Variants in ZBTB16 observed in about 807,000 individuals in gnomAD.
ZBTB16 encodes zinc finger and BTB domain-containing protein 16.
Under a neutral mutation model 56.8 loss-of-function variants are expected in ZBTB16, and 8 were observed. That is an observed-to-expected ratio of 0.14 (90% confidence interval 0.08 to 0.25). The LOEUF is 0.25. Ranked by LOEUF, ZBTB16 falls within the 10% of genes least tolerant of loss-of-function variation. The probability of loss-of-function intolerance (pLI) is 1.00; values close to 1 mark genes in which losing one functional copy is unlikely to be tolerated. For synonymous variants in ZBTB16, 363 were observed against 368.5 expected (o/e 0.98, Z 0.17); for missense variants, 625 against 903.0 (o/e 0.69, Z 3.95).
At chr11:114,128,921 C>T (rs746976508) in intron 2 of ZBTB16, among the ~76,000 whole-genome samples, 12 of 152,188 alleles carry the variant, frequency 7.9e-5, no homozygotes, top group Non-Finnish European at 1.3e-4. Flanking sequence ...ATAGAGTTTG[C>T]AGGACCTCTT....
chr11:114,165,088 C>A (rs1292373873), intron 3 of ZBTB16, among the ~76,000 whole-genome samples: 1 of 152,100 alleles, frequency 6.6e-6, no homozygotes, highest in Admixed American at 6.5e-5. Flanking sequence ...TCCCTGCCTC[C>A]CTGTCCTAAC....
intron 4 of ZBTB16, chr11:114,189,766 A>T (rs1943448529): frequency 7.0e-6 from 1 of 143,822 alleles, no homozygotes; most frequent in African/African-American, 2.5e-5. Context: ...CCCCGTCTCA[A>T]AAAAAAAAAA....
intron 4 of ZBTB16, among the ~76,000 whole-genome samples, chr11:114,235,656 T>TTCTA (rs754717364): frequency 8.4e-5 from 2 of 23,832 alleles, no homozygotes; most frequent in South Asian, 2.1e-3. Context: ...CTTTCTTTCT[T>TTCTA]TCTTTCTTTC....
At position 114,254,265 on chromosome 11, in the gene ZBTB16, A is replaced by G. The variant is rs1393101421; in HGVS notation, c.*3710A>G. 2.6e-5 allele frequency among the ~76,000 whole-genome samples: 4 copies of G among 152,126 alleles called. No homozygotes were observed. Among genetic ancestry groups the G allele is most frequent in the Non-Finnish European group, 5.9e-5 (4 of 68,032 alleles). ...GGCTGCTTTGGAGGAGGAGGCCATGAATATGGGGAAGGCAGATCTGGGGTG... is the reference window on the plus strand; with the variant it reads ...GGCTGCTTTGGAGGAGGAGGCCATGGATATGGGGAAGGCAGATCTGGGGTG... On this transcript the variant is annotated 3_prime_UTR_variant, in exon 7 of 7. Coordinates refer to ENST00000335953, the MANE Select transcript of ZBTB16 (RefSeq NM_006006.6).
intron 2 of ZBTB16, among the ~76,000 whole-genome samples, chr11:114,144,925 C>T (rs1942058690): frequency 6.6e-6 from 1 of 152,202 alleles, no homozygotes; most frequent in Non-Finnish European, 1.5e-5. Context: ...GTTGAAATCA[C>T]ATATGTGAAA....
intron 2 of ZBTB16, among the ~76,000 whole-genome samples, chr11:114,081,141 T>C (rs1939742273): frequency 6.6e-6 from 1 of 152,212 alleles, no homozygotes; most frequent in East Asian, 1.9e-4. Flanking sequence ...TGTTCTCTGC[T>C]TCTACCAAGG....
intron 2 of ZBTB16, among the ~76,000 whole-genome samples, chr11:114,119,851 C>T (rs1398968925): frequency 2.0e-5 from 3 of 152,174 alleles, no homozygotes; most frequent in African/African-American, 7.2e-5. Context: ...AGCTAGCAAG[C>T]GGTGGAGCGA....
intron 4 of ZBTB16, among the ~76,000 whole-genome samples, chr11:114,207,474 G>A (rs957716142): frequency 1.3e-5 from 2 of 151,960 alleles, no homozygotes; most frequent in African/African-American, 4.8e-5. Context: ...CCCCTATGAT[G>A]CGTGTACACT....
chr11:114,180,331 T>G (rs1000493064), intron 3 of ZBTB16, among the ~76,000 whole-genome samples: 1 of 152,250 alleles, frequency 6.6e-6, no homozygotes, highest in East Asian at 1.9e-4. Flanking sequence ...CTTTCACAAC[T>G]GGGTACCTGG....
At position 114,064,508 on chromosome 11, in the gene ZBTB16, G is replaced by C. The variant is rs925275405; in HGVS notation, c.1208G>C (p.Gly403Ala). Residue 403 changes from glycine (G) to alanine (A), a missense_variant, in exon 2 of 7, where the codon GGA becomes GCA. By Grantham distance (60) the Gly-to-Ala change is moderately conservative (BLOSUM62 0). This residue lies in a region of ZBTB16 where 384 missense variants were observed against 393.5 expected (regional missense o/e 0.98). Coordinates refer to ENST00000335953, the MANE Select transcript of ZBTB16 (RefSeq NM_006006.6). This position sits in a 1 kb window ranked among gnomAD's most constrained non-coding sequence, Gnocchi z 4.2. ...ATGAAGTCAGAGAGCCGGACCATCGGAGAGCAGTGCAGCGTGTGTGGGGTC... is the reference window on the plus strand; with the variant it reads ...ATGAAGTCAGAGAGCCGGACCATCGCAGAGCAGTGCAGCGTGTGTGGGGTC... ...VGMKSESRTI[G>A]EQCSVCGVEL... 1 of 1,614,104 alleles carries C rather than the reference G, an allele frequency of 6.2e-7. No homozygotes were observed. The highest frequency in any genetic ancestry group is 8.5e-7 in the Non-Finnish European group (1 of 1,180,046).
At chr11:114,119,739 A>G (rs1260046711) in intron 2 of ZBTB16, among the ~76,000 whole-genome samples, 2 of 152,026 alleles carry the variant, frequency 1.3e-5, no homozygotes, top group Non-Finnish European at 2.9e-5. Context: ...TCTTTAAAAG[A>G]CAGAGTTTTG....
At chr11:114,245,969 C>T (rs1486448502) in intron 5 of ZBTB16, among the ~76,000 whole-genome samples, 1 of 152,198 alleles carries the variant, frequency 6.6e-6, no homozygotes, top group Non-Finnish European at 1.5e-5. Context: ...TCTGCGCCTT[C>T]ACTCCTGTAA....
intron 4 of ZBTB16, among the ~76,000 whole-genome samples, chr11:114,230,255 C>T (rs751612952): frequency 6.6e-6 from 1 of 152,160 alleles, no homozygotes; most frequent in Non-Finnish European, 1.5e-5. Flanking sequence ...CACACACATG[C>T]AGGTACATGA....
intron 2 of ZBTB16, among the ~76,000 whole-genome samples, chr11:114,080,445 CCTCTCTCT>C (rs150621909): frequency 6.7e-6 from 1 of 149,774 alleles, no homozygotes; most frequent in East Asian, 1.9e-4. Context: ...GCTGGTGCTC[CCTCTCTCT>C]CTCTCTCTCT....
chr11:114,148,437 T>TCTGTCTG (rs1565651872), intron 2 of ZBTB16, among the ~76,000 whole-genome samples: 1 of 53,852 alleles, frequency 1.9e-5, no homozygotes, highest in African/African-American at 6.5e-5. Flanking sequence ...CTCTCTCTCT[T>TCTGTCTG]TCTCTCTCTC....
intron 3 of ZBTB16, among the ~76,000 whole-genome samples, chr11:114,171,417 A>G (rs1162978798): frequency 6.6e-6 from 1 of 152,198 alleles, no homozygotes; most frequent in Non-Finnish European, 1.5e-5. Flanking sequence ...TGGGCTGGGA[A>G]GGGCCTTTCA....
At chr11:114,213,174 C>G (rs542041319) in intron 4 of ZBTB16, among the ~76,000 whole-genome samples, 2 of 152,188 alleles carry the variant, frequency 1.3e-5, no homozygotes, top group Admixed American at 6.5e-5. Flanking sequence ...CCTCTTAACT[C>G]TCACCCAGGC....
At chr11:114,232,602 T>G (rs1235949501) in intron 4 of ZBTB16, among the ~76,000 whole-genome samples, 3 of 103,472 alleles carry the variant, frequency 2.9e-5, no homozygotes, top group African/African-American at 1.4e-4. Flanking sequence ...AGGGTTGGGC[T>G]GGGTTGGGTT....
intron 2 of ZBTB16, among the ~76,000 whole-genome samples, chr11:114,117,599 A>G (rs1591682983): frequency 6.6e-6 from 1 of 152,092 alleles, no homozygotes. Flanking sequence ...TAACTGGTGG[A>G]TGGTGGGAAT....
Sources: allele counts gnomAD v4.1 joint callset (sites outside exome capture counted in the v4.1 genomes callset), GRCh38; gene constraint gnomAD v4.1.1; regional missense constraint gnomAD v4.1.1; non-coding constraint Gnocchi (gnomAD v3.1); transcripts MANE v1.5; gene names NCBI Gene and HGNC (gene_info 2026-07-23, HGNC 2026-07-21).